The following ARHGEF1 variants were observed in gnomAD, a reference collection of about 807,000 sequenced individuals.
The protein encoded by ARHGEF1 is 115 kDa guanine nucleotide exchange factor.
ARHGEF1 carries 40 observed loss-of-function variants against 119.7 expected under a neutral mutation model. The observed-to-expected ratio is 0.33, with a 90% CI of 0.26 to 0.44. The LOEUF (loss-of-function observed/expected upper bound fraction) is 0.44, where lower values mean the gene tolerates loss of function less well. Among genes scored for constraint, ARHGEF1 ranks in the 20% least tolerant of loss-of-function variants. The pLI, the probability that ARHGEF1 is intolerant of heterozygous loss-of-function variation, is 1.00. For missense variants in ARHGEF1, 976 were observed against 1,268.3 expected (o/e 0.77, Z 3.50); for synonymous variants, 494 against 521.0 (o/e 0.95, Z 0.71).
intron 18 of ARHGEF1, chr19:41,912,924 G>A: frequency 8.1e-7 from 1 of 1,230,966 alleles, no homozygotes; most frequent in Non-Finnish European, 1.0e-6. Context: ...GTCCATGGCG[G>A]AGCCGGCCCT....
rs373882349 is a variant in ARHGEF1 at position 41,915,552 on chromosome 19, CCT to C, written c.1866-7539_1866-7538del. Among the ~76,000 whole-genome samples the C allele has an allele frequency of 4.0e-3, 612 of 152,180 alleles. 4 individuals carry two copies. Among genetic ancestry groups the C allele is most frequent in the African/African-American group, 0.014 (593 of 41,514 alleles). On this transcript the variant is annotated intron_variant, in intron 18 of 20. Transcript: ENST00000599589. ...TTTTAATGTCTAGGGTCTCCACACC[CCT>C]GTCTCCGTCTCCACATCTCCATATC...
chr19:41,908,549 G>A (rs1366652189), downstream of ARHGEF1: 3 of 1,231,808 alleles, frequency 2.4e-6, no homozygotes, highest in Admixed American at 4.2e-5. This position sits in a 1 kb window ranked among gnomAD's most constrained non-coding sequence, Gnocchi z 6.7. Context: ...AGAAATGCGG[G>A]GGGTAGAGAG....
At chr19:41,886,551 G>A (rs532227017) in intron 1 of ARHGEF1, among the ~76,000 whole-genome samples, 1 of 152,212 alleles carries the variant, frequency 6.6e-6, no homozygotes, top group East Asian at 1.9e-4. Flanking sequence ...AAAGTGCTGG[G>A]GTTACAGGCA....
Position 41,902,092 on chromosome 19 carries a change from T to C in ARHGEF1, c.1414+59T>C. ...CACTGCCCCACGGGCAGCTCTGCTC[T>C]AGCCCTGGGTTCAACCTGCTCGGGA... On this transcript the variant is annotated intron_variant, in intron 15 of 28. Coordinates refer to ENST00000354532, the MANE Select transcript of ARHGEF1 (RefSeq NM_004706.4). This position sits in a 1 kb window ranked among gnomAD's most constrained non-coding sequence, Gnocchi z 6.5. 6.2e-7 allele frequency: 1 copy of C among 1,600,474 alleles called. No individual in the cohort carries two copies. The highest frequency in any genetic ancestry group is 8.5e-7 in the Non-Finnish European group (1 of 1,171,870).
chr19:41,927,186 G>A (rs1401605934), intron 1 of ARHGEF1, among the ~76,000 whole-genome samples: 1 of 152,084 alleles, frequency 6.6e-6, no homozygotes, highest in Non-Finnish European at 1.5e-5. Flanking sequence ...AGTGAGGAGA[G>A]ACCCAGCCAG....
At chr19:41,909,744 C>T (rs150612545), downstream of ARHGEF1, 31 of 1,150,584 alleles carry the variant, frequency 2.7e-5, no homozygotes, top group Non-Finnish European at 3.2e-5. The surrounding 1 kb of genome is among the most constrained non-coding windows in gnomAD (Gnocchi z 5.2). Flanking sequence ...TGGCTACTCA[C>T]GCACAGCCCT....
At position 41,902,140 on chromosome 19, in the gene ARHGEF1, G is replaced by GGGGCAGATACGCCATCCGGTCCC; in HGVS notation, c.1414+109_1415-110dup. The GGGGCAGATACGCCATCCGGTCCC allele has an allele frequency of 6.4e-7, 1 of 1,559,706 alleles. No homozygotes were observed. Among genetic ancestry groups the GGGGCAGATACGCCATCCGGTCCC allele is most frequent in the Non-Finnish European group, 8.7e-7 (1 of 1,143,616 alleles). On this transcript the variant is annotated intron_variant, in intron 15 of 28. Transcript: ENST00000354532. This position sits in a 1 kb window ranked among gnomAD's most constrained non-coding sequence, Gnocchi z 6.5. ...GGAACCCCAGGGTTCACATGGGGTG[G>GGGGCAGATACGCCATCCGGTCCC]GGGCAGATACGCCATCCGGTCCCGA...
Position 41,905,345 on chromosome 19 carries a change from G to A in ARHGEF1, c.2336+84G>A, listed in dbSNP as rs1274688545. 4.0e-5 allele frequency: 49 copies of A among 1,227,198 alleles called. No homozygotes were observed. The highest frequency in any genetic ancestry group is 4.7e-5 in the East Asian group (2 of 42,656). The allele number at this position is 1,227,198 out of a possible 1,614,324, so 76.0% of individuals were successfully genotyped here. ...GGCTTCCCTCCACAACTCCAGAACC[G>A]TCTCTGTGTGAGCATGCACATGTGT... On this transcript the variant is annotated intron_variant, in intron 24 of 28. Transcript: ENST00000354532. This position sits in a 1 kb window ranked among gnomAD's most constrained non-coding sequence, Gnocchi z 6.4.
Position 41,902,639 on chromosome 19 carries a change from G to C in ARHGEF1, c.1604G>C (p.Arg535Pro). 6.2e-7 allele frequency: 1 copy of C among 1,614,192 alleles called. No individual in the cohort carries two copies. The highest frequency in any genetic ancestry group is 8.5e-7 in the Non-Finnish European group (1 of 1,180,022). ...QLKAKQRKDP[R>P]FCAFVQEAES... ...AAAGCCAAGCAACGCAAGGACCCTCGGTTCTGTGCCTTCGTGCAGGTGAGG... is the reference window on the plus strand; with the variant it reads ...AAAGCCAAGCAACGCAAGGACCCTCCGTTCTGTGCCTTCGTGCAGGTGAGG... Residue 535 changes from arginine (R) to proline (P), a missense_variant, in exon 17 of 29, where the codon CGG becomes CCG. By Grantham distance (103) the Arg-to-Pro change is moderately radical. Coordinates refer to ENST00000354532, the MANE Select transcript of ARHGEF1 (RefSeq NM_004706.4). This position sits in a 1 kb window ranked among gnomAD's most constrained non-coding sequence, Gnocchi z 6.5.
chr19:41,924,966 G>A (rs1186367915), intron 1 of ARHGEF1, among the ~76,000 whole-genome samples: 1 of 152,122 alleles, frequency 6.6e-6, no homozygotes, highest in Non-Finnish European at 1.5e-5. Context: ...GTGTGCAGTG[G>A]GTTCCCAATG....
At chr19:41,891,981 G>A (rs1555846256) in intron 4 of ARHGEF1, 44 bp from the exon 5 acceptor site, 1 of 1,522,376 alleles carries the variant, frequency 6.6e-7, no homozygotes, top group Non-Finnish European at 9.0e-7. Context: ...TGTGGTTTGA[G>A]GCAGGGTGAG....
chr19:41,912,412 C>T (rs373922262), downstream of ARHGEF1, among the ~76,000 whole-genome samples: 15 of 152,234 alleles, frequency 9.9e-5, no homozygotes, highest in African/African-American at 1.2e-4. Context: ...TCCTGGGTCT[C>T]GGTCTGGCCG....
At position 41,884,490 on chromosome 19, in the gene ARHGEF1, G is replaced by A. The variant is rs1555844917; in HGVS notation, c.-20+1201G>A. The A allele has an allele frequency of 1.6e-5, 25 of 1,607,578 alleles. No individual in the cohort carries two copies. The highest frequency in any genetic ancestry group is 1.9e-5 in the Non-Finnish European group (23 of 1,179,898). Reference sequence around the variant, plus strand: ...GCGATGGCTTCTCTTTCCACCTGGAGCAGGTGAGGGACGCGGTCCCCAGCG... The same window carrying A: ...GCGATGGCTTCTCTTTCCACCTGGAACAGGTGAGGGACGCGGTCCCCAGCG... On this transcript the variant is annotated intron_variant, in intron 1 of 28. Transcript: ENST00000354532.
chr19:41,911,199 T>A (rs1469473757), downstream of ARHGEF1, among the ~76,000 whole-genome samples: 1 of 152,084 alleles, frequency 6.6e-6, no homozygotes, highest in Non-Finnish European at 1.5e-5. Flanking sequence ...TACTCCACTG[T>A]CCACATACCC....
chr19:41,901,775 C>A (rs901410642), intron 14 of ARHGEF1, 112 bp from the exon 15 acceptor site: 9 of 1,360,150 alleles, frequency 6.6e-6, no homozygotes, highest in Admixed American at 2.4e-5. Context: ...TTCCCACCAA[C>A]TTCTAGGAAG....
In ARHGEF1 at chr19:41,892,016, C is replaced by G. The variant is rs1362367756; in HGVS notation, c.226-9C>G. The G allele has an allele frequency of 1.3e-6, 2 of 1,596,302 alleles. No homozygotes were observed. Among genetic ancestry groups the G allele is most frequent in the Non-Finnish European group, 1.7e-6 (2 of 1,168,642 alleles). On this transcript the variant is annotated splice_polypyrimidine_tract_variant and intron_variant, in intron 4 of 28. Transcript: ENST00000354532. This position sits in a 1 kb window ranked among gnomAD's most constrained non-coding sequence, Gnocchi z 6.3. ...GGGAGCGGAGAGTCATGCTGTGTGT[C>G]TCCCCCAGCTTTGCTGTCTGCATGC...
chr19:41,922,016 C>G (rs1415659646), upstream of ARHGEF1, among the ~76,000 whole-genome samples: 2 of 151,454 alleles, frequency 1.3e-5, no homozygotes, highest in Non-Finnish European at 2.9e-5. Context: ...CCCAGCCTCA[C>G]TCCACATCGG....
rs2074330971 is a variant in ARHGEF1, at chr19:41,888,658, C to T, written c.112-94C>T. ...CCCACTTCCCAGGAGCTAACCCTGGCTTGGATCCCTTGTGAAGTGCCAGGA... is the reference window on the plus strand; with the variant it reads ...CCCACTTCCCAGGAGCTAACCCTGGTTTGGATCCCTTGTGAAGTGCCAGGA... On this transcript the variant is annotated intron_variant, in intron 3 of 28. Transcript: ENST00000354532. This position sits in a 1 kb window ranked among gnomAD's most constrained non-coding sequence, Gnocchi z 5.1. 7 of 1,223,998 alleles carry T rather than the reference C, an allele frequency of 5.7e-6. No individual in the cohort carries two copies. Among genetic ancestry groups the T allele is most frequent in the South Asian group, 2.6e-5 (2 of 76,258 alleles). 75.8% of individuals were successfully genotyped at this position (1,223,998 alleles called of 1,614,324 possible). A position where few individuals can be genotyped will look rare whatever the true frequency, so the allele number is the denominator to read the frequency against.
downstream of ARHGEF1, chr19:41,910,155 G>C (rs1323980752): frequency 4.6e-6 from 7 of 1,525,726 alleles, no homozygotes; most frequent in Middle Eastern, 2.2e-4. The surrounding 1 kb of genome is among the most constrained non-coding windows in gnomAD (Gnocchi z 4.4). Flanking sequence ...AGGGCTCTGG[G>C]TCCTGCTGGA....
Sources: gnomAD v4.1 joint callset for allele counts (sites outside exome capture counted in the v4.1 genomes callset) on GRCh38, gnomAD v4.1.1 for gene constraint, Gnocchi (gnomAD v3.1) non-coding constraint, MANE v1.5 for transcripts, NCBI Gene and HGNC (gene_info 2026-07-23, HGNC 2026-07-21) for gene names.